Variants in TATDN1 observed in about 807,000 individuals in gnomAD.
TATDN1 encodes TatD DNase domain containing 1.
Under a neutral mutation model 46.4 loss-of-function variants are expected in TATDN1, and 40 were observed. The observed-to-expected ratio is 0.86, with a 90% confidence interval of 0.67 to 1.12. The LOEUF (loss-of-function observed/expected upper bound fraction) is 1.12. Ranked by LOEUF, TATDN1 falls within the 50% of genes most tolerant of loss-of-function variation. The pLI is 0.00. For missense variants in TATDN1, 326 were observed against 348.4 expected, an observed-to-expected ratio of 0.94 and a Z score of 0.51; for synonymous variants, 95 against 105.6, an observed-to-expected ratio of 0.90 and a Z score of 0.62.
intron 1 of TATDN1, among the ~76,000 whole-genome samples, chr8:124,524,725 A>C (rs193194942): frequency 7.9e-5 from 12 of 152,302 alleles, no homozygotes; most frequent in Admixed American, 7.8e-4. Flanking sequence ...GACTGGGCTC[A>C]ATTTTGAATA....
chr8:124,525,853 CTATT>C (rs1256914001), intron 1 of TATDN1, among the ~76,000 whole-genome samples: 2 of 152,098 alleles, frequency 1.3e-5, no homozygotes, highest in Non-Finnish European at 2.9e-5. Context: ...ACTCAAAATC[CTATT>C]TATTTAATTT....
At chr8:124,506,027 C>A (rs1818380114) in intron 8 of TATDN1, among the ~76,000 whole-genome samples, 1 of 151,768 alleles carries the variant, frequency 6.6e-6, no homozygotes, top group Non-Finnish European at 1.5e-5. Flanking sequence ...ATTAATAGAA[C>A]CCAAGTAAAT....
chr8:124,492,984 A>C (rs570099643), intron 11 of TATDN1, among the ~76,000 whole-genome samples: 1 of 152,304 alleles, frequency 6.6e-6, no homozygotes, highest in Admixed American at 6.5e-5. Flanking sequence ...TGTCAGCTCA[A>C]GCATGTTAAT....
At chr8:124,501,878 G>GA (rs1458085630) in intron 9 of TATDN1, among the ~76,000 whole-genome samples, 6 of 152,252 alleles carry the variant, frequency 3.9e-5, no homozygotes, top group African/African-American at 1.4e-4. Context: ...CATCAGAGAT[G>GA]AAAAACTAAA....
intron 9 of TATDN1, among the ~76,000 whole-genome samples, chr8:124,503,606 TGAA>T (rs776117073): frequency 9.2e-5 from 14 of 152,154 alleles, no homozygotes; most frequent in Non-Finnish European, 2.1e-4. Context: ...TATGAGACAA[TGAA>T]GAAGGACAGA....
chr8:124,515,745 CTTGAG>C lies in TATDN1; in HGVS notation c.385_389del (p.Leu129IlefsTer3), dbSNP rs745323688. ...TTTGTAAAGCCAACAAATTTCCTTA[CTTGAG>C]TTGAGTATCTTTGGGACAAAACTGC... On this transcript the variant is annotated frameshift_variant and splice_region_variant, in exon 6 of 12. Transcript: ENST00000276692. LOFTEE classifies it high-confidence loss of function. 9.5e-5 allele frequency: 153 copies of C among 1,612,824 alleles called. No individual in the cohort carries two copies. The highest frequency in any genetic ancestry group is 1.5e-4 in the Admixed American group (9 of 59,858).
At chr8:124,509,957 A>G (rs535604065) in intron 6 of TATDN1, among the ~76,000 whole-genome samples, 53 of 150,896 alleles carry the variant, frequency 3.5e-4, no homozygotes, top group African/African-American at 1.2e-3. Context: ...TCTTGAACCC[A>G]GGGTCAGAGG....
rs117949235 is a variant in TATDN1, at chr8:124,531,190, C to T, written c.22+7835G>A. Among the ~76,000 whole-genome samples the T allele has an allele frequency of 1.6e-3, 238 of 151,704 alleles. 6 individuals carry two copies. In the East Asian group the frequency reaches 0.04, roughly 25 times the overall value. Reference sequence around the variant, plus strand: ...CTTTAACAAGCCCCTGGCAATAAGCCTAAAGTTCCCTCCTGTCATTTGGCA... The same window carrying T: ...CTTTAACAAGCCCCTGGCAATAAGCTTAAAGTTCCCTCCTGTCATTTGGCA... On this transcript the variant is annotated intron_variant, in intron 1 of 11. Transcript: ENST00000276692.
intron 11 of TATDN1, among the ~76,000 whole-genome samples, chr8:124,490,733 T>C (rs1278407152): frequency 6.7e-6 from 1 of 150,128 alleles, no homozygotes; most frequent in East Asian, 1.9e-4. Context: ...TGTGGCACTT[T>C]TACAGTAAGC....
At chr8:124,534,245 TCTAAG>T (rs1821241029) in intron 1 of TATDN1, among the ~76,000 whole-genome samples, 2 of 149,578 alleles carry the variant, frequency 1.3e-5, no homozygotes, top group East Asian at 4.0e-4. Flanking sequence ...TTTGTTTGCC[TCTAAG>T]CTAAGAATGA....
chr8:124,512,569 A>G (rs28412706), intron 6 of TATDN1, among the ~76,000 whole-genome samples: 19 of 152,348 alleles, frequency 1.2e-4, no homozygotes, highest in African/African-American at 3.6e-4. Context: ...TGCTGCTCAA[A>G]GGGAATAAAA....
intron 9 of TATDN1, among the ~76,000 whole-genome samples, chr8:124,502,798 A>G (rs564734375): frequency 1.7e-4 from 26 of 152,200 alleles, no homozygotes; most frequent in African/African-American, 6.3e-4. Flanking sequence ...GCTTTCTTAA[A>G]CTTGAAGCCC....
At chr8:124,519,260 C>G (rs1399178116) in intron 3 of TATDN1, among the ~76,000 whole-genome samples, 2 of 152,114 alleles carry the variant, frequency 1.3e-5, no homozygotes, top group African/African-American at 2.4e-5. Context: ...CAGGTGTAGT[C>G]TGGTAACTCC....
In TATDN1 at chr8:124,529,159, G is replaced by A. The variant is rs574684904; in HGVS notation, c.23-6157C>T. ...GAAGTGTGTATAAAAGTCAAGTGCT[G>A]TCTTTGTTTCGGGCTCAGTCTTTGG... On this transcript the variant is annotated intron_variant, in intron 1 of 11. Coordinates refer to ENST00000276692, the MANE Select transcript of TATDN1 (RefSeq NM_032026.4). Among the ~76,000 whole-genome samples the A allele has an allele frequency of 7.9e-4, 120 of 152,194 alleles. 2 individuals carry two copies. Among genetic ancestry groups the A allele is most frequent in the Non-Finnish European group, 9.3e-4 (63 of 68,046 alleles).
chr8:124,505,217 T>G (rs1818310895), intron 8 of TATDN1, among the ~76,000 whole-genome samples: 1 of 150,986 alleles, frequency 6.6e-6, no homozygotes, highest in Admixed American at 6.6e-5. Context: ...AAAACCCATC[T>G]CTACTAAAAA....
At chr8:124,504,003 A>T in intron 9 of TATDN1, 1 of 1,213,924 alleles carries the variant, frequency 8.2e-7, no homozygotes. Context: ...AAATTGGATT[A>T]CCAGAGAAAG....
chr8:124,488,585 A>G lies in TATDN1; in HGVS notation c.*9T>C. ...ACATACATGATGGAAAGTGGAAGAC[A>G]TATACCAATTATATTCCAGGAAAAA... On this transcript the variant is annotated 3_prime_UTR_variant, in exon 12 of 12. Transcript: ENST00000276692. 7.4e-7 allele frequency: 1 copy of G among 1,352,618 alleles called. No homozygotes were observed. The highest frequency in any genetic ancestry group is 2.3e-5 in the East Asian group (1 of 43,324). The allele number at this position is 1,352,618 out of a possible 1,614,324, so 83.8% of individuals were successfully genotyped here. A position where few individuals can be genotyped will look rare whatever the true frequency, so the allele number is the denominator to read the frequency against.
At chr8:124,502,351 A>AG (rs926186228) in intron 9 of TATDN1, among the ~76,000 whole-genome samples, 1 of 151,906 alleles carries the variant, frequency 6.6e-6, no homozygotes, top group African/African-American at 2.4e-5. Context: ...AAAAAAAAAA[A>AG]AAAAAAAGTG....
rs767151886 is a variant in TATDN1 at position 124,515,754 on chromosome 8, A to G, written c.381T>C (p.Thr127=). ...FDRLQFCPKD[T]QLKYFEKQFE... is the part of the protein sequence containing the mutation. ...CCAACAAATTTCCTTACTTGAGTTG[A>G]GTATCTTTGGGACAAAACTGCAGTC... Residue 127 remains threonine (T), a synonymous_variant, in exon 6 of 12, where the codon ACT becomes ACC. Coordinates refer to ENST00000276692, the MANE Select transcript of TATDN1 (RefSeq NM_032026.4). 6.2e-7 allele frequency: 1 copy of G among 1,613,524 alleles called. No homozygotes were observed. The highest frequency in any genetic ancestry group is 1.7e-5 in the Admixed American group (1 of 59,962).
Sources: allele counts gnomAD v4.1 joint callset (sites outside exome capture counted in the v4.1 genomes callset), GRCh38; gene constraint gnomAD v4.1.1; transcripts MANE v1.5; gene names NCBI Gene and HGNC (gene_info 2026-07-23, HGNC 2026-07-21).